The following RALYL variants were observed in gnomAD, a reference collection of about 807,000 sequenced individuals.
RALYL encodes RALY RNA binding protein like, also known as RNA-binding Raly-like protein.
RALYL carries 29 observed loss-of-function variants against 35.1 expected under a neutral mutation model. The observed-to-expected ratio is 0.83, with a 90% CI of 0.61 to 1.13. The LOEUF (loss-of-function observed/expected upper bound fraction) is 1.13, where lower values mean the gene tolerates loss of function less well. Ranked by LOEUF, RALYL falls within the 50% of genes most tolerant of loss-of-function variation. The pLI, the probability that RALYL is intolerant of heterozygous loss-of-function variation, is 0.00. For missense variants in RALYL, 359 were observed against 360.4 expected, an observed-to-expected ratio of 1.00 and a Z score of 0.03; for synonymous variants, 120 against 127.6, an observed-to-expected ratio of 0.94 and a Z score of 0.40.
At chr8:84,213,340 G>A (rs189733980) in intron 1 of RALYL, among the ~76,000 whole-genome samples, 53 of 152,174 alleles carry the variant, frequency 3.5e-4, no homozygotes, top group African/African-American at 1.2e-3. Flanking sequence ...GCAGTGAGCC[G>A]AGATCCCTCA....
At chr8:84,294,618 A>G (rs1839404678) in intron 1 of RALYL, among the ~76,000 whole-genome samples, 1 of 152,130 alleles carries the variant, frequency 6.6e-6, no homozygotes. Context: ...ATAGAAAGCA[A>G]GGAAGGTCGC....
At chr8:84,523,541 T>A (rs1165965852) in intron 1 of RALYL, among the ~76,000 whole-genome samples, 2 of 152,014 alleles carry the variant, frequency 1.3e-5, no homozygotes, top group Non-Finnish European at 2.9e-5. Context: ...ATACTTTAAG[T>A]TTTAGGGTAC....
intron 4 of RALYL, among the ~76,000 whole-genome samples, chr8:84,808,490 C>CTTTT (rs1265970854): frequency 6.6e-6 from 1 of 151,954 alleles, no homozygotes; most frequent in Admixed American, 6.6e-5. Context: ...TATACGGGCT[C>CTTTT]TTTTTTGGTT....
intron 2 of RALYL, among the ~76,000 whole-genome samples, chr8:84,569,368 C>T (rs1428647926): frequency 1.3e-5 from 2 of 152,072 alleles, no homozygotes; most frequent in East Asian, 1.9e-4. Context: ...AGATATGCGA[C>T]ATTATTTCTG....
At chr8:84,407,207 G>A (rs1024571566) in intron 1 of RALYL, among the ~76,000 whole-genome samples, 1 of 152,002 alleles carries the variant, frequency 6.6e-6, no homozygotes, top group Non-Finnish European at 1.5e-5. Flanking sequence ...GTGAAATCAG[G>A]CACTGCATAA....
chr8:84,749,517 T>A (rs1809443061), intron 2 of RALYL, among the ~76,000 whole-genome samples: 1 of 152,088 alleles, frequency 6.6e-6, no homozygotes, highest in Non-Finnish European at 1.5e-5. Context: ...ATGAAAGAGG[T>A]AAACCTAAAC....
intron 1 of RALYL, among the ~76,000 whole-genome samples, chr8:84,456,295 T>C (rs540977159): frequency 1.3e-5 from 2 of 152,112 alleles, no homozygotes; most frequent in East Asian, 3.9e-4. Context: ...GCACTGCACA[T>C]TAATTAACTC....
intron 1 of RALYL, among the ~76,000 whole-genome samples, chr8:84,257,676 T>C (rs1274759540): frequency 6.6e-6 from 1 of 152,092 alleles, no homozygotes; most frequent in Non-Finnish European, 1.5e-5. Context: ...CTCTAGAGCG[T>C]TAGGCAACAG....
intron 2 of RALYL, among the ~76,000 whole-genome samples, chr8:84,771,395 G>A (rs976631018): frequency 6.6e-6 from 1 of 152,052 alleles, no homozygotes; most frequent in African/African-American, 2.4e-5. Context: ...TGGTACACAT[G>A]TGTAAAAGGT....
At chr8:84,521,597 G>A (rs924483080) in intron 1 of RALYL, among the ~76,000 whole-genome samples, 3 of 152,084 alleles carry the variant, frequency 2.0e-5, no homozygotes, top group East Asian at 1.9e-4. Flanking sequence ...TTCATTAAAT[G>A]TTCCCCAAGA....
At chr8:84,423,014 A>G (rs2045860892) in intron 1 of RALYL, among the ~76,000 whole-genome samples, 1 of 149,294 alleles carries the variant, frequency 6.7e-6, no homozygotes, top group Non-Finnish European at 1.5e-5. Flanking sequence ...GCTGAAAAAA[A>G]TGTATATTCT....
At chr8:84,251,369 G>A (rs1010455788) in intron 1 of RALYL, among the ~76,000 whole-genome samples, 1 of 152,002 alleles carries the variant, frequency 6.6e-6, no homozygotes, top group Non-Finnish European at 1.5e-5. Flanking sequence ...AATTTTGATA[G>A]GAATTTACTT....
At chr8:84,843,961 A>G (rs1220708880) in intron 4 of RALYL, among the ~76,000 whole-genome samples, 1 of 152,252 alleles carries the variant, frequency 6.6e-6, no homozygotes, top group Non-Finnish European at 1.5e-5. Context: ...TTATACAAAA[A>G]TTAATTCAAG....
At chr8:84,686,698 C>T (rs1207680270) in intron 2 of RALYL, among the ~76,000 whole-genome samples, 1 of 152,152 alleles carries the variant, frequency 6.6e-6, no homozygotes, top group African/African-American at 2.4e-5. Context: ...AACCACCACA[C>T]CCAACCATTA....
At chr8:84,681,381 G>A (rs926354664) in intron 2 of RALYL, among the ~76,000 whole-genome samples, 21 of 152,122 alleles carry the variant, frequency 1.4e-4, no homozygotes, top group Non-Finnish European at 2.6e-4. Flanking sequence ...TTCCAATTCT[G>A]TGAAGAAAGT....
At chr8:84,282,738 A>G (rs187837760) in intron 1 of RALYL, among the ~76,000 whole-genome samples, 5,477 of 104,610 alleles carry the variant, frequency 0.052, 124 homozygotes, top group East Asian at 0.18. Context: ...GTATCTATAT[A>G]TGTGTATGCG....
intron 2 of RALYL, among the ~76,000 whole-genome samples, chr8:84,696,511 A>G (rs1839181756): frequency 6.6e-6 from 1 of 151,908 alleles, no homozygotes; most frequent in African/African-American, 2.4e-5. Flanking sequence ...CACATGCTGT[A>G]TTTGTGTTCA....
chr8:84,446,084 G>T (rs943939679), intron 1 of RALYL, among the ~76,000 whole-genome samples: 5 of 151,768 alleles, frequency 3.3e-5, no homozygotes, highest in African/African-American at 1.2e-4. Context: ...GTTTTGGTTG[G>T]CATTCCAAGA....
At chr8:84,895,945 T>G (rs1202271108) in intron 8 of RALYL, among the ~76,000 whole-genome samples, 4 of 152,200 alleles carry the variant, frequency 2.6e-5, no homozygotes, top group African/African-American at 7.2e-5. Flanking sequence ...TGGCTTTATA[T>G]CAGCCTCTGC....
Sources: allele counts gnomAD v4.1 joint callset (sites outside exome capture counted in the v4.1 genomes callset), GRCh38; gene constraint gnomAD v4.1.1; transcripts MANE v1.5; gene names NCBI Gene and HGNC (gene_info 2026-07-23, HGNC 2026-07-21).